Variants in ZC3H12D observed in about 807,000 individuals in gnomAD.
ZC3H12D encodes zinc finger CCCH-type containing 12D.
In ZC3H12D, 11 loss-of-function variants were observed where a neutral mutation model predicts 24.2. The observed-to-expected ratio is 0.46, with a 90% CI of 0.29 to 0.75. The LOEUF (loss-of-function observed/expected upper bound fraction) is 0.75, where lower values mean the gene tolerates loss of function less well. Among genes scored for constraint, ZC3H12D ranks in the 30% least tolerant of loss-of-function variants. The probability of loss-of-function intolerance (pLI) is 0.11; values close to 1 mark genes in which losing one functional copy is unlikely to be tolerated. For synonymous variants in ZC3H12D, 333 were observed against 341.8 expected, an observed-to-expected ratio of 0.97 and a Z score of 0.28; for missense variants, 740 against 767.7, an observed-to-expected ratio of 0.96 and a Z score of 0.43.
chr6:149,464,938 C>T (rs1389484694), intron 2 of ZC3H12D, among the ~76,000 whole-genome samples: 2 of 152,200 alleles, frequency 1.3e-5, no homozygotes, highest in African/African-American at 2.4e-5. Flanking sequence ...TGCCTTCTCC[C>T]GAGAAGCCTG....
chr6:149,465,025 T>C (rs1369860524), intron 2 of ZC3H12D, among the ~76,000 whole-genome samples: 1 of 152,222 alleles, frequency 6.6e-6, no homozygotes, highest in Non-Finnish European at 1.5e-5. Context: ...TGACCTTTCC[T>C]GCTATTTTCT....
At chr6:149,458,041 G>A (rs1413618495) in intron 3 of ZC3H12D, among the ~76,000 whole-genome samples, 1 of 147,334 alleles carries the variant, frequency 6.8e-6, no homozygotes, top group Admixed American at 6.8e-5. Flanking sequence ...TTAGAACTCC[G>A]TGTTTATGAT....
chr6:149,465,343 G>A (rs1284134786), intron 2 of ZC3H12D, among the ~76,000 whole-genome samples: 9 of 128,958 alleles, frequency 7.0e-5, no homozygotes, highest in African/African-American at 3.2e-4. Context: ...GACAGTGTGA[G>A]ACTCTGTCTC....
At chr6:149,458,148 T>TTTTTTTTTTTTTTCTTTTTTC (rs1562472760) in intron 3 of ZC3H12D, among the ~76,000 whole-genome samples, 1 of 128,084 alleles carries the variant, frequency 7.8e-6, no homozygotes, top group African/African-American at 3.6e-5. Context: ...TTTTTTTTTT[T>TTTTTTTTTTTTTTCTTTTTTC]TTTTTGAGAC....
chr6:149,451,124 C>T lies in ZC3H12D; in HGVS notation c.1143G>A (p.Ala381=). The change falls in exon 6 of 6, where the codon GCG becomes GCA. Residue 381 remains alanine (A), a synonymous_variant. Coordinates refer to ENST00000409806, the MANE Select transcript of ZC3H12D (RefSeq NM_207360.3). The part of the protein sequence containing the change: ...PRLGGPDWVS[A]GGRVPGPLSL... ...TGAGCGGGCCTGGCACCCGGCCGCC[C>T]GCGGACACCCAGTCGGGCCCGCCCA... 3 of 1,342,896 alleles carry T rather than the reference C, an allele frequency of 2.2e-6. No individual in the cohort carries two copies. The highest frequency in any genetic ancestry group is 2.9e-6 in the Non-Finnish European group (3 of 1,052,614). The allele number at this position is 1,342,896 out of a possible 1,614,324, so 83.2% of individuals were successfully genotyped here.
chr6:149,452,250 G>T lies in ZC3H12D; in HGVS notation c.787+366C>A, dbSNP rs1220066970. ...TGGATAGCAGTGACCAAAGTCCATA[G>T]GGTGGAGGGGTGGAGAGCAGGGTAG... On this transcript the variant is annotated intron_variant, in intron 5 of 5. Coordinates refer to ENST00000409806, the MANE Select transcript of ZC3H12D (RefSeq NM_207360.3). The surrounding 1 kb of genome is among the most constrained non-coding windows in gnomAD (Gnocchi z 4.0). 2.3e-5 allele frequency: 5 copies of T among 215,288 alleles called. No individual in the cohort carries two copies. Among genetic ancestry groups the T allele is most frequent in the Non-Finnish European group, 4.6e-5 (5 of 109,478 alleles). The allele number at this position is 215,288 out of a possible 1,614,324, so 13.3% of individuals were successfully genotyped here.
chr6:149,482,386 C>A (rs989802075), intron 1 of ZC3H12D, among the ~76,000 whole-genome samples: 1 of 152,202 alleles, frequency 6.6e-6, no homozygotes, highest in African/African-American at 2.4e-5. Flanking sequence ...AAAATCTGAA[C>A]GACTTCATTT....
intron 2 of ZC3H12D, among the ~76,000 whole-genome samples, chr6:149,469,660 A>G (rs906565001): frequency 2.0e-5 from 3 of 152,170 alleles, no homozygotes; most frequent in African/African-American, 7.2e-5. Flanking sequence ...TTTCTCACGG[A>G]AACACACACA....
intron 2 of ZC3H12D, among the ~76,000 whole-genome samples, chr6:149,468,689 G>A (rs1486991986): frequency 6.6e-6 from 1 of 152,162 alleles, no homozygotes; most frequent in African/African-American, 2.4e-5. Context: ...GGGCTGATCT[G>A]GGAGCTTTCG....
At chr6:149,478,662 T>C (rs369643) in intron 1 of ZC3H12D, among the ~76,000 whole-genome samples, 101,541 of 151,998 alleles carry the variant, frequency 0.67, 35,941 homozygotes, top group African/African-American at 0.91. Context: ...TTCCACATAG[T>C]TGACACCATG....
chr6:149,463,164 C>T (rs574202515), intron 2 of ZC3H12D, among the ~76,000 whole-genome samples: 2 of 152,246 alleles, frequency 1.3e-5, no homozygotes, highest in South Asian at 4.2e-4. Context: ...TAGCCATCTA[C>T]AGAATCACTC....
rs369896261 is a variant in ZC3H12D at position 149,452,605 on chromosome 6, G to T, written c.787+11C>A. On this transcript the variant is annotated intron_variant, in intron 5 of 5. Transcript: ENST00000409806. The surrounding 1 kb of genome is among the most constrained non-coding windows in gnomAD (Gnocchi z 4.0). ...CTGAACAGGGCCTGCGAAGCACTGGGCCCTACCCACCATAAGGACAATGCT... is the reference window on the plus strand; with the variant it reads ...CTGAACAGGGCCTGCGAAGCACTGGTCCCTACCCACCATAAGGACAATGCT... 3.2e-6 allele frequency: 5 copies of T among 1,554,288 alleles called. No individual in the cohort carries two copies. Among genetic ancestry groups the T allele is most frequent in the Non-Finnish European group, 4.3e-6 (5 of 1,152,626 alleles).
intron 1 of ZC3H12D, among the ~76,000 whole-genome samples, chr6:149,477,315 C>T (rs1333295540): frequency 6.6e-6 from 1 of 152,238 alleles, no homozygotes; most frequent in Non-Finnish European, 1.5e-5. Flanking sequence ...GCCACGGCGT[C>T]CACCTGCTCA....
chr6:149,461,794 T>C, intron 3 of ZC3H12D, 37 bp downstream of exon 3: 1 of 1,538,582 alleles, frequency 6.5e-7, no homozygotes, highest in Non-Finnish European at 8.8e-7. Flanking sequence ...AGGAAACGTG[T>C]CTAGTACCTC....
intron 2 of ZC3H12D, among the ~76,000 whole-genome samples, chr6:149,472,706 G>GT (rs1321296382): frequency 6.6e-6 from 1 of 152,030 alleles, no homozygotes; most frequent in East Asian, 1.9e-4. Context: ...GACTGGGCAT[G>GT]TTTTTTGTTG....
Position 149,450,558 on chromosome 6 carries a change from G to T in ZC3H12D, c.*125C>A. On this transcript the variant is annotated 3_prime_UTR_variant, in exon 6 of 6. Transcript: ENST00000409806. ...TCAGGAGGAGGAAGCAGGCTTCCCTGACCATCTTTAAAGAAAAGGGGGCAC... is the reference window on the plus strand; with the variant it reads ...TCAGGAGGAGGAAGCAGGCTTCCCTTACCATCTTTAAAGAAAAGGGGGCAC... The T allele has an allele frequency of 1.9e-6, 2 of 1,041,326 alleles. No individual in the cohort carries two copies. Among genetic ancestry groups the T allele is most frequent in the Non-Finnish European group, 2.7e-6 (2 of 749,918 alleles). The allele number at this position is 1,041,326 out of a possible 1,614,324, so 64.5% of individuals were successfully genotyped here.
At position 149,450,834 on chromosome 6, in the gene ZC3H12D, C is replaced by T; in HGVS notation, c.1433G>A (p.Arg478His). The T allele has an allele frequency of 6.5e-7, 1 of 1,545,968 alleles. No homozygotes were observed. Among genetic ancestry groups the T allele is most frequent in the Non-Finnish European group, 8.7e-7 (1 of 1,146,690 alleles). Reference sequence around the variant, plus strand: ...GTAGAGCGCGATGCGAGCCCGGGCGCGCGCGTCCCCCTCGTCGTCCTCGGT... The same window carrying T: ...GTAGAGCGCGATGCGAGCCCGGGCGTGCGCGTCCCCCTCGTCGTCCTCGGT... Reference protein sequence around the residue: ...YATEDDEGDARARARIALYSV... With the variant: ...YATEDDEGDAHARARIALYSV... The change falls in exon 6 of 6, where the codon CGC becomes CAC. Residue 478 changes from arginine to histidine, a missense_variant. By Grantham distance (29) the Arg-to-His change is conservative (BLOSUM62 0). Transcript: ENST00000409806.
Position 149,451,190 on chromosome 6 carries a change from C to G in ZC3H12D, c.1077G>C (p.Gly359=). 2.3e-6 allele frequency: 3 copies of G among 1,306,192 alleles called. No individual in the cohort carries two copies. The highest frequency in any genetic ancestry group is 1.5e-5 in the African/African-American group (1 of 64,650). 80.9% of individuals were successfully genotyped at this position (1,306,192 alleles called of 1,614,324 possible). A position where few individuals can be genotyped will look rare whatever the true frequency, so the allele number is the denominator to read the frequency against. ...LAFSDDLGPL[G]PPLPVPACSL... is the part of the protein sequence containing the mutation. ...TGCAGGCGGGGACCGGGAGAGGCGG[C>G]CCCAGGGGCCCCAGGTCGTCGCTGA... The change falls in exon 6 of 6, where the codon GGG becomes GGC. Residue 359 remains glycine (G), a synonymous_variant. Transcript: ENST00000409806.
At chr6:149,474,149 T>C in intron 2 of ZC3H12D, 90 bp downstream of exon 2, 1 of 1,226,478 alleles carries the variant, frequency 8.2e-7, no homozygotes, top group Non-Finnish European at 1.1e-6. Context: ...CAAAGCTCTT[T>C]GGACCAAACC....
Sources: gnomAD v4.1 joint callset for allele counts (sites outside exome capture counted in the v4.1 genomes callset) on GRCh38, gnomAD v4.1.1 for gene constraint, Gnocchi (gnomAD v3.1) non-coding constraint, MANE v1.5 for transcripts, NCBI Gene and HGNC (gene_info 2026-07-23, HGNC 2026-07-21) for gene names.